KCNMA1: variants seen among roughly 807,000 people sequenced by gnomAD.
The protein encoded by KCNMA1 is Calcium-activated potassium channel subunit alpha-1.
Under a neutral mutation model 140.0 loss-of-function variants are expected in KCNMA1, and 29 were observed. That is an observed-to-expected ratio of 0.21 (90% CI 0.15 to 0.28). The LOEUF (loss-of-function observed/expected upper bound fraction) is 0.28. Among genes scored for constraint, KCNMA1 ranks in the 10% least tolerant of loss-of-function variants. The probability of loss-of-function intolerance (pLI) is 1.00; values close to 1 mark genes in which losing one functional copy is unlikely to be tolerated. For missense variants in KCNMA1, 880 were observed against 1,602.2 expected (o/e 0.55, Z 7.70); for synonymous variants, 612 against 611.9 (o/e 1.00, Z 0.00).
At chr10:77,442,628 G>A (rs951959100) in intron 1 of KCNMA1, among the ~76,000 whole-genome samples, 18 of 152,174 alleles carry the variant, frequency 1.2e-4, no homozygotes, top group African/African-American at 4.3e-4. Context: ...CCTATCGAGA[G>A]AGCAGGTAAA....
At chr10:77,375,394 C>T (rs745399992) in intron 2 of KCNMA1, among the ~76,000 whole-genome samples, 5 of 152,228 alleles carry the variant, frequency 3.3e-5, no homozygotes, top group Non-Finnish European at 7.3e-5. Flanking sequence ...TTCAGAACCT[C>T]ACTTTCTTCT....
chr10:77,167,962 C>T (rs11002053), intron 5 of KCNMA1, among the ~76,000 whole-genome samples: 5,263 of 152,214 alleles, frequency 0.035, 161 homozygotes, highest in East Asian at 0.15. Context: ...GGATTACAGG[C>T]ATGAGCTGCT....
intron 2 of KCNMA1, among the ~76,000 whole-genome samples, chr10:77,357,914 T>C (rs555304911): frequency 6.6e-6 from 1 of 152,108 alleles, no homozygotes; most frequent in East Asian, 1.9e-4. Flanking sequence ...AAATCAAAGA[T>C]GAGATGAAGT....
intron 3 of KCNMA1, among the ~76,000 whole-genome samples, chr10:77,190,760 C>A (rs913953400): frequency 6.6e-6 from 1 of 152,052 alleles, no homozygotes; most frequent in African/African-American, 2.4e-5. Context: ...TCTCTGGGAC[C>A]CCGTGTGGGG....
chr10:77,585,974 G>T (rs544115176), intron 1 of KCNMA1, among the ~76,000 whole-genome samples: 29 of 152,278 alleles, frequency 1.9e-4, no homozygotes, highest in African/African-American at 7.0e-4. Flanking sequence ...TGGCTTTCCA[G>T]AACCTCATTT....
chr10:76,982,598 G>A (rs1388378380), intron 19 of KCNMA1, among the ~76,000 whole-genome samples: 2 of 152,132 alleles, frequency 1.3e-5, no homozygotes, highest in Non-Finnish European at 2.9e-5. Flanking sequence ...AGGAAAATGT[G>A]TTTGAGGGCA....
chr10:76,881,444 A>C (rs371588813), downstream of KCNMA1, among the ~76,000 whole-genome samples: 1 of 152,178 alleles, frequency 6.6e-6, no homozygotes, highest in Non-Finnish European at 1.5e-5. Context: ...ATTTGGAATA[A>C]TATCAGCGGG....
chr10:77,506,435 A>G (rs1009579717), intron 1 of KCNMA1, among the ~76,000 whole-genome samples: 1 of 152,208 alleles, frequency 6.6e-6, no homozygotes, highest in African/African-American at 2.4e-5. Flanking sequence ...AGAGAAACCA[A>G]GAACACAGTC....
At chr10:77,318,760 G>A (rs2081543771) in intron 2 of KCNMA1, among the ~76,000 whole-genome samples, 1 of 152,160 alleles carries the variant, frequency 6.6e-6, no homozygotes, top group Non-Finnish European at 1.5e-5. Flanking sequence ...AGGGCCAAAT[G>A]TCCCTAAGCA....
chr10:77,364,225 C>T (rs572601105), intron 2 of KCNMA1, among the ~76,000 whole-genome samples: 4 of 152,114 alleles, frequency 2.6e-5, no homozygotes, highest in South Asian at 2.1e-4. Flanking sequence ...TCAAGGTGGG[C>T]GGACTACCTG....
intron 22 of KCNMA1, among the ~76,000 whole-genome samples, chr10:76,948,583 A>G (rs2152935383): frequency 6.6e-6 from 1 of 152,312 alleles, no homozygotes; most frequent in Non-Finnish European, 1.5e-5. Flanking sequence ...TCATGCACAC[A>G]TGCACACACG....
At chr10:77,317,098 T>C (rs2081085614) in intron 2 of KCNMA1, among the ~76,000 whole-genome samples, 1 of 152,156 alleles carries the variant, frequency 6.6e-6, no homozygotes, top group Non-Finnish European at 1.5e-5. Flanking sequence ...CACGTACCTG[T>C]AGTGCCTTCC....
chr10:76,928,289 G>GCGCACACA (rs1478548715), intron 23 of KCNMA1, among the ~76,000 whole-genome samples: 52 of 73,382 alleles, frequency 7.1e-4, no homozygotes, highest in African/African-American at 1.9e-3. Context: ...ACACGCGCGC[G>GCGCACACA]CACACACACA....
intron 2 of KCNMA1, among the ~76,000 whole-genome samples, chr10:77,308,159 C>A (rs2078285554): frequency 6.6e-6 from 1 of 152,084 alleles, no homozygotes; most frequent in Non-Finnish European, 1.5e-5. Flanking sequence ...GATGCCAGAC[C>A]AACAGAGAGG....
At chr10:77,180,732 A>G (rs1253767572) in intron 5 of KCNMA1, among the ~76,000 whole-genome samples, 1 of 152,204 alleles carries the variant, frequency 6.6e-6, no homozygotes, top group Non-Finnish European at 1.5e-5. Flanking sequence ...GTAGATGCTC[A>G]ATAAATATTA....
At chr10:77,161,667 A>G (rs985804697) in intron 5 of KCNMA1, among the ~76,000 whole-genome samples, 2 of 152,214 alleles carry the variant, frequency 1.3e-5, no homozygotes, top group Non-Finnish European at 2.9e-5. Flanking sequence ...GAGTGTGTTT[A>G]GAGATGTGCA....
chr10:77,184,756 G>T, intron 4 of KCNMA1, 67 bp downstream of exon 4: 1 of 971,920 alleles, frequency 1.0e-6, no homozygotes, highest in South Asian at 1.3e-5. Flanking sequence ...GAGGCTGAGG[G>T]GGATGATCCC....
chr10:77,092,238 T>C (rs1318550373), intron 9 of KCNMA1: 1 of 152,190 alleles, frequency 6.6e-6, no homozygotes, highest in African/African-American at 2.4e-5. Context: ...ACAATATAGA[T>C]TGAACATTTG....
chr10:77,481,118 A>G (rs1188050661), intron 1 of KCNMA1, among the ~76,000 whole-genome samples: 1 of 84,662 alleles, frequency 1.2e-5, no homozygotes, highest in Non-Finnish European at 2.4e-5. Context: ...ACTCCATCTC[A>G]AAAAAAAAAA....
Sources: allele counts gnomAD v4.1 joint callset (sites outside exome capture counted in the v4.1 genomes callset), GRCh38; gene constraint gnomAD v4.1.1; transcripts MANE v1.5; gene names NCBI Gene and HGNC (gene_info 2026-07-23, HGNC 2026-07-21).